Variants in GPRIN3 observed in about 807,000 individuals in gnomAD.
GPRIN3 encodes GPRIN family member 3.
A neutral mutation model predicts 13.7 loss-of-function variants in GPRIN3; 12 were observed. That is an observed-to-expected ratio of 0.87 (90% CI 0.56 to 1.42). GPRIN3 has a LOEUF of 1.42. Ranked by LOEUF, GPRIN3 falls within the 40% of genes most tolerant of loss-of-function variation. GPRIN3 has a pLI of 0.00. For synonymous variants in GPRIN3, 377 were observed against 372.7 expected (o/e 1.01, Z -0.13); for missense variants, 1,009 against 958.7 (o/e 1.05, Z -0.69).
chr4:89,253,986 G>C (rs1311761292), intron 1 of GPRIN3, among the ~76,000 whole-genome samples: 2 of 152,100 alleles, frequency 1.3e-5, no homozygotes, highest in African/African-American at 4.8e-5. Flanking sequence ...ACTACTTGTT[G>C]GTTTAGAATG....
chr4:89,284,732 T>C (rs976771785), intron 1 of GPRIN3, among the ~76,000 whole-genome samples: 3 of 152,216 alleles, frequency 2.0e-5, no homozygotes, highest in African/African-American at 7.2e-5. Flanking sequence ...GGGGGAGATC[T>C]GATCTAGCCA....
At chr4:89,301,657 T>C (rs1396290697) in intron 1 of GPRIN3, among the ~76,000 whole-genome samples, 1 of 152,238 alleles carries the variant, frequency 6.6e-6, no homozygotes, top group Non-Finnish European at 1.5e-5. Context: ...CAAGAATCTA[T>C]TAACATAAAG....
intron 1 of GPRIN3, among the ~76,000 whole-genome samples, chr4:89,262,096 A>G (rs79068076): frequency 4.7e-5 from 7 of 150,328 alleles, no homozygotes; most frequent in African/African-American, 1.5e-4. Flanking sequence ...ACTGCACTCC[A>G]GCCTAGATGA....
At position 89,301,152 on chromosome 4, in the gene GPRIN3, G is replaced by A. The variant is rs376649347; in HGVS notation, c.-124+6463C>T. ...GAGTGGATTGAGAAACTAATTTAGA[G>A]TGAAGGAATGAGCATTTCAAAGCGA... On this transcript the variant is annotated intron_variant, in intron 1 of 1. Transcript: ENST00000609438. Among the ~76,000 whole-genome samples, 10 of 152,158 alleles carry A rather than the reference G, an allele frequency of 6.6e-5. No homozygotes were observed. The South Asian group carries it at 1.9e-3, about 28-fold the overall frequency.
At chr4:89,299,272 C>T (rs1029409748) in intron 1 of GPRIN3, among the ~76,000 whole-genome samples, 4 of 152,138 alleles carry the variant, frequency 2.6e-5, no homozygotes, top group South Asian at 2.1e-4. Flanking sequence ...GTACTATTCT[C>T]GGCACTGTCT....
rs543133454 is a variant in GPRIN3, at chr4:89,291,896, T to C, written c.-124+15719A>G. On this transcript the variant is annotated intron_variant, in intron 1 of 1. Coordinates refer to ENST00000609438, the MANE Select transcript of GPRIN3 (RefSeq NM_198281.3). ...TGTGGGATGGAATTTTAACATTTCA[T>C]CTTTTTAGAACCAAAATATTTCTAT... is the stretch of plus-strand genomic sequence containing the variant. 4.0e-5 allele frequency among the ~76,000 whole-genome samples: 6 copies of C among 151,130 alleles called. No individual in the cohort carries two copies. In the South Asian group the frequency reaches 8.5e-4, roughly 21 times the overall value.
At chr4:89,292,727 T>C (rs1460690331) in intron 1 of GPRIN3, among the ~76,000 whole-genome samples, 2 of 152,186 alleles carry the variant, frequency 1.3e-5, no homozygotes, top group East Asian at 3.8e-4. Flanking sequence ...ACAGCACCAA[T>C]TACACATGCT....
intron 1 of GPRIN3, among the ~76,000 whole-genome samples, chr4:89,284,705 G>A (rs1027661182): frequency 1.3e-5 from 2 of 152,174 alleles, no homozygotes; most frequent in African/African-American, 4.8e-5. Context: ...TTATATCAGT[G>A]AGAATATTAT....
intron 1 of GPRIN3, among the ~76,000 whole-genome samples, chr4:89,274,347 G>A (rs1289005116): frequency 1.3e-5 from 2 of 152,306 alleles, no homozygotes; most frequent in Admixed American, 1.3e-4. Flanking sequence ...CAAGGAAGCT[G>A]AAATGTTTAT....
At chr4:89,303,248 A>T (rs1221568085) in intron 1 of GPRIN3, among the ~76,000 whole-genome samples, 1 of 152,232 alleles carries the variant, frequency 6.6e-6, no homozygotes, top group Admixed American at 6.5e-5. Context: ...TTCCTTTAGG[A>T]GTTCATGGCT....
At chr4:89,263,951 G>A (rs1348681682) in intron 1 of GPRIN3, among the ~76,000 whole-genome samples, 1 of 152,120 alleles carries the variant, frequency 6.6e-6, no homozygotes, top group Non-Finnish European at 1.5e-5. Context: ...CATTTCAAAA[G>A]CATTTTTGAA....
chr4:89,270,910 G>A (rs115242307), intron 1 of GPRIN3, among the ~76,000 whole-genome samples: 4,163 of 152,064 alleles, frequency 0.027, 168 homozygotes, highest in African/African-American at 0.093. Context: ...TTGTGGAAGT[G>A]GAAACTGAAA....
In GPRIN3 at chr4:89,247,791, C is replaced by G. The variant is rs573706468; in HGVS notation, c.2320G>C (p.Val774Leu). ...ATAAATACTCCCTTTCAATCTAACA[C>G]AGAAGACGGGGCAGGACGGACGCAG... ...NCCVRPAPSS[V>L]LD The change falls in exon 2 of 2, where the codon GTG (valine) becomes CTG (leucine). Residue 774 changes from valine (V) to leucine (L), a missense_variant. By Grantham distance (32) the Val-to-Leu change is conservative. Coordinates refer to ENST00000609438, the MANE Select transcript of GPRIN3 (RefSeq NM_198281.3). 1.2e-6 allele frequency: 2 copies of G among 1,608,364 alleles called. No individual in the cohort carries two copies. Among genetic ancestry groups the G allele is most frequent in the East Asian group, 4.5e-5 (2 of 44,760 alleles).
In GPRIN3 at chr4:89,248,723, AG is replaced by A. The variant is rs1723197173; in HGVS notation, c.1387del (p.Leu463Ter). ...KKLAGTNSSS[L>X]KATAIDQISI... ...AATCTGGTCAATGGCGGTAGCTTTC[AG>A]GGAGCTAGAATTAGTACCTGCGAGC... On this transcript the variant is annotated frameshift_variant, in exon 2 of 2. Coordinates refer to ENST00000609438, the MANE Select transcript of GPRIN3 (RefSeq NM_198281.3). LOFTEE classifies it low-confidence loss of function (END_TRUNC). The A allele has an allele frequency of 1.2e-6, 2 of 1,614,066 alleles. No individual in the cohort carries two copies. Among genetic ancestry groups the A allele is most frequent in the East Asian group, 2.2e-5 (1 of 44,892 alleles).
intron 1 of GPRIN3, among the ~76,000 whole-genome samples, chr4:89,267,099 G>A (rs1383532684): frequency 1.3e-5 from 2 of 152,102 alleles, no homozygotes; most frequent in Non-Finnish European, 2.9e-5. Flanking sequence ...AAAAACTCTG[G>A]AAACAGTCTT....
Position 89,239,497 on chromosome 4 carries a change from T to C in GPRIN3, c.*8283A>G, listed in dbSNP as rs545521233. ...TCTAGTTGTAATTGTAGTGTTCTTA[T>C]AGCTGGTTAATCTTTTATTTTTATT... On this transcript the variant is annotated 3_prime_UTR_variant, in exon 2 of 2. Coordinates refer to ENST00000609438, the MANE Select transcript of GPRIN3 (RefSeq NM_198281.3). The C allele has an allele frequency of 6.6e-6, 1 of 152,336 alleles. No individual in the cohort carries two copies. The highest frequency in any genetic ancestry group is 2.1e-4 in the South Asian group (1 of 4,826). 9.4% of individuals were successfully genotyped at this position (152,336 alleles called of 1,614,324 possible).
At chr4:89,269,389 A>G (rs1025502583) in intron 1 of GPRIN3, among the ~76,000 whole-genome samples, 3 of 152,106 alleles carry the variant, frequency 2.0e-5, no homozygotes, top group African/African-American at 7.2e-5. Context: ...CTTTCAGGGC[A>G]TCTTTTCAGA....
At chr4:89,304,947 G>A (rs970365824) in intron 1 of GPRIN3, among the ~76,000 whole-genome samples, 2 of 152,036 alleles carry the variant, frequency 1.3e-5, no homozygotes, top group African/African-American at 2.4e-5. Context: ...CCCCCTTTAA[G>A]CAGCCTATTG....
intron 1 of GPRIN3, among the ~76,000 whole-genome samples, chr4:89,257,261 T>C (rs966812144): frequency 7.9e-5 from 12 of 152,346 alleles, no homozygotes; most frequent in African/African-American, 2.9e-4. Context: ...CCATCCAGTT[T>C]GTCTTTTCAA....
Sources: gnomAD v4.1 joint callset for allele counts (sites outside exome capture counted in the v4.1 genomes callset) on GRCh38, gnomAD v4.1.1 for gene constraint, MANE v1.5 for transcripts, NCBI Gene and HGNC (gene_info 2026-07-23, HGNC 2026-07-21) for gene names.